The following PDE1C variants were observed in gnomAD, a reference collection of about 807,000 sequenced individuals.
The protein encoded by PDE1C is phosphodiesterase 1C, also known as dual specificity calcium/calmodulin-dependent 3',5'-cyclic nucleotide phosphodiesterase 1C.
In PDE1C, 62 loss-of-function variants were observed where a neutral mutation model predicts 93.1. That is an observed-to-expected ratio of 0.67 (90% CI 0.54 to 0.82). The LOEUF (loss-of-function observed/expected upper bound fraction) is 0.82, where lower values mean the gene tolerates loss of function less well. Among genes scored for constraint, PDE1C ranks in the 40% least tolerant of loss-of-function variants. The probability of loss-of-function intolerance (pLI) is 0.00; values close to 1 mark genes in which losing one functional copy is unlikely to be tolerated. For missense variants in PDE1C, 742 were observed against 884.6 expected (o/e 0.84, Z 2.04); for synonymous variants, 325 against 310.1 (o/e 1.05, Z -0.50).
intron 7 of PDE1C, among the ~76,000 whole-genome samples, chr7:31,853,351 G>A (rs1381202354): frequency 2.0e-5 from 3 of 152,178 alleles, no homozygotes; most frequent in African/African-American, 4.8e-5. Flanking sequence ...TAGTATCTGG[G>A]AGAAACAGCT....
chr7:32,353,731 T>C (rs1053897152), intron 1 of PDE1C, among the ~76,000 whole-genome samples: 1 of 152,072 alleles, frequency 6.6e-6, no homozygotes, highest in African/African-American at 2.4e-5. Context: ...ATTTCTTGCA[T>C]GAGAGGAACT....
chr7:31,956,010 A>T (rs1379403980), intron 2 of PDE1C, among the ~76,000 whole-genome samples: 2 of 152,170 alleles, frequency 1.3e-5, no homozygotes, highest in African/African-American at 4.8e-5. Context: ...GTAAAATGGG[A>T]TTAACAACAG....
At chr7:32,358,780 G>T (rs1342522243) in intron 1 of PDE1C, among the ~76,000 whole-genome samples, 2 of 152,150 alleles carry the variant, frequency 1.3e-5, no homozygotes, top group Non-Finnish European at 2.9e-5. Flanking sequence ...GGATCATATA[G>T]TTGGCAAATA....
intron 1 of PDE1C, among the ~76,000 whole-genome samples, chr7:32,244,791 T>C (rs1469106310): frequency 6.6e-6 from 1 of 152,176 alleles, no homozygotes; most frequent in Non-Finnish European, 1.5e-5. Flanking sequence ...ACTATGAAAG[T>C]GATATTCTCC....
intron 1 of PDE1C, among the ~76,000 whole-genome samples, chr7:32,241,726 G>T (rs1585015883): frequency 6.6e-6 from 1 of 152,248 alleles, no homozygotes; most frequent in East Asian, 1.9e-4. Flanking sequence ...CATGCAGTGG[G>T]GGGGCAGCAC....
intron 3 of PDE1C, among the ~76,000 whole-genome samples, chr7:32,120,140 C>T (rs957979659): frequency 1.3e-5 from 2 of 152,358 alleles, no homozygotes; most frequent in African/African-American, 4.8e-5. Context: ...CAGAGCGCCT[C>T]TTCAGGCCTG....
chr7:31,821,273 T>A (rs549418065), intron 14 of PDE1C, among the ~76,000 whole-genome samples: 2 of 152,268 alleles, frequency 1.3e-5, no homozygotes, highest in African/African-American at 4.8e-5. Flanking sequence ...GTTATCTCTA[T>A]CCCCATACCA....
At chr7:32,314,614 A>C (rs6462351) in intron 1 of PDE1C, among the ~76,000 whole-genome samples, 16,937 of 152,188 alleles carry the variant, frequency 0.11, 1,364 homozygotes, top group East Asian at 0.39. Context: ...GTATTCATGC[A>C]TCTCATTTCA....
the PDE1C span, among the ~76,000 whole-genome samples, chr7:31,684,870 G>A: frequency 3.3e-5 from 5 of 152,156 alleles, no homozygotes; most frequent in Non-Finnish European, 7.4e-5. Context: ...AAGGAAACAT[G>A]CAATTGTCAG....
At chr7:32,396,079 T>C (rs114597138) in intron 1 of PDE1C, among the ~76,000 whole-genome samples, 1,613 of 152,278 alleles carry the variant, frequency 0.011, 37 homozygotes, top group African/African-American at 0.037. Flanking sequence ...CTAAAGTTTA[T>C]ATGGCAAAAG....
intron 2 of PDE1C, among the ~76,000 whole-genome samples, chr7:31,907,070 G>GGTGTGTGTGT (rs55999814): frequency 0.22 from 31,703 of 145,120 alleles, 4,303 homozygotes; most frequent in Non-Finnish European, 0.32. Context: ...TGATATGTGG[G>GGTGTGTGTGT]GTGTGTGTGT....
intron 1 of PDE1C, among the ~76,000 whole-genome samples, chr7:32,324,052 T>C (rs1308182960): frequency 6.6e-6 from 1 of 152,214 alleles, no homozygotes; most frequent in Non-Finnish European, 1.5e-5. Context: ...ATATGCAATC[T>C]AAGAATGATT....
intron 9 of PDE1C, among the ~76,000 whole-genome samples, chr7:31,840,420 C>CT (rs551906891): frequency 5.3e-5 from 8 of 151,842 alleles, no homozygotes; most frequent in East Asian, 1.9e-4. Flanking sequence ...TCTTGGCCTG[C>CT]TTTTTTTTAA....
intron 2 of PDE1C, among the ~76,000 whole-genome samples, chr7:32,203,483 G>A (rs940076399): frequency 9.2e-5 from 14 of 152,034 alleles, no homozygotes; most frequent in African/African-American, 3.4e-4. Flanking sequence ...GCAGAGGGAA[G>A]GTGATCATTC....
At chr7:32,001,854 G>T (rs1785507429) in intron 2 of PDE1C, among the ~76,000 whole-genome samples, 1 of 152,148 alleles carries the variant, frequency 6.6e-6, no homozygotes, top group African/African-American at 2.4e-5. Context: ...GAGGTCAGGA[G>T]TTTGAGACCA....
At chr7:31,810,546 G>A (rs1787419344) in intron 15 of PDE1C, among the ~76,000 whole-genome samples, 1 of 152,094 alleles carries the variant, frequency 6.6e-6, no homozygotes, top group Non-Finnish European at 1.5e-5. Flanking sequence ...TGTAAAATTT[G>A]CTGAATATCC....
the PDE1C span, among the ~76,000 whole-genome samples, chr7:31,681,010 C>T: frequency 6.6e-6 from 1 of 152,192 alleles, no homozygotes; most frequent in Non-Finnish European, 1.5e-5. Context: ...TAGGGACCAG[C>T]CTAGCCACTT....
At chr7:32,071,703 T>C (rs919210386), upstream of PDE1C, among the ~76,000 whole-genome samples, 14 of 151,976 alleles carry the variant, frequency 9.2e-5, no homozygotes, top group African/African-American at 3.1e-4. Flanking sequence ...ATGAACAATG[T>C]CAATAAGGTA....
chr7:32,147,308 G>GAAAGAAAGAAAGAAAGAAAGAAAGAAA (rs1800946120), intron 3 of PDE1C, among the ~76,000 whole-genome samples: 1 of 146,186 alleles, frequency 6.8e-6, no homozygotes. Flanking sequence ...AAGAAAGAAA[G>GAAAGAAAGAAAGAAAGAAAGAAAGAAA]AAAGAAAGAA....
Sources: gnomAD v4.1 joint callset for allele counts (sites outside exome capture counted in the v4.1 genomes callset) on GRCh38, gnomAD v4.1.1 for gene constraint, MANE v1.5 for transcripts, NCBI Gene and HGNC (gene_info 2026-07-23, HGNC 2026-07-21) for gene names.